The following FGFR1 variants were observed in gnomAD, a reference collection of about 807,000 sequenced individuals.
FGFR1 encodes the protein fibroblast growth factor receptor 1, also known as FGFR1/PLAG1 fusion.
In FGFR1, 18 loss-of-function variants were observed where a neutral mutation model predicts 93.7. The ratio of observed to expected loss-of-function variants is 0.19; its 90% confidence interval spans 0.13 to 0.28. FGFR1 has a LOEUF of 0.28. FGFR1 is among the 10% of genes least tolerant of loss of function. FGFR1 has a pLI of 1.00. For synonymous variants in FGFR1, 448 were observed against 429.3 expected (o/e 1.04, Z -0.54); for missense variants, 731 against 1,080.4 (o/e 0.68, Z 4.53).
chr8:38,413,561 C>T lies in FGFR1; in HGVS notation c.*67G>A. On this transcript the variant is annotated 3_prime_UTR_variant, in exon 18 of 18. Coordinates refer to ENST00000447712, the MANE Select transcript of FGFR1 (RefSeq NM_023110.3). This position sits in a 1 kb window ranked among gnomAD's most constrained non-coding sequence, Gnocchi z 4.2. ...GGGACAGGGACGGACAGGTGGTGGG[C>T]CCAGCAGGGGCTGTGGGTGAGGGTT... is the stretch of plus-strand genomic sequence containing the variant. The T allele has an allele frequency of 2.0e-6, 3 of 1,515,726 alleles. No individual in the cohort carries two copies. The highest frequency in any genetic ancestry group is 2.7e-6 in the Non-Finnish European group (3 of 1,120,844). The allele number at this position is 1,515,726 out of a possible 1,614,324, so 93.9% of individuals were successfully genotyped here. A position where few individuals can be genotyped will look rare whatever the true frequency, so the allele number is the denominator to read the frequency against.
rs4647908 is a variant in FGFR1, at chr8:38,468,050, TC to T, written c.-159del. On this transcript the variant is annotated 5_prime_UTR_variant, in exon 1 of 18. Coordinates refer to ENST00000447712, the MANE Select transcript of FGFR1 (RefSeq NM_023110.3). Reference sequence around the variant, plus strand: ...TTGTGCGAGCGGGCGTGTGCCCGCGTCCCCGGCTCCGGCCCGCCGCCCCCGG... The same window carrying T: ...TTGTGCGAGCGGGCGTGTGCCCGCGTCCCGGCTCCGGCCCGCCGCCCCCGG... The T allele has an allele frequency of 3.6e-5, 8 of 222,582 alleles. No homozygotes were observed. Among genetic ancestry groups the T allele is most frequent in the Non-Finnish European group, 6.3e-5 (7 of 111,392 alleles). The allele number at this position is 222,582 out of a possible 1,614,324, so 13.8% of individuals were successfully genotyped here.
chr8:38,444,702 T>A (rs1047660128), intron 2 of FGFR1, among the ~76,000 whole-genome samples: 3 of 151,912 alleles, frequency 2.0e-5, no homozygotes, highest in African/African-American at 7.3e-5. Flanking sequence ...AGTTTAGGGA[T>A]TTTTCTACCT....
intron 6 of FGFR1, among the ~76,000 whole-genome samples, chr8:38,425,048 G>A (rs1820234345): frequency 6.6e-6 from 1 of 152,292 alleles, no homozygotes; most frequent in South Asian, 2.1e-4. Flanking sequence ...TCAAAGTGTG[G>A]TCCACGAGCA....
rs1165305093 is a variant in FGFR1 at position 38,434,428 on chromosome 8, C to T, written c.92-4480G>A. The T allele has an allele frequency of 1.1e-5, 4 of 373,566 alleles. 1 individual carries two copies. Among genetic ancestry groups the T allele is most frequent in the African/African-American group, 8.4e-5 (4 of 47,742 alleles). 23.1% of individuals were successfully genotyped at this position (373,566 alleles called of 1,614,324 possible). ...ACTTCCACCTCAATTCCTGGCTCAA[C>T]ACTGATGGAAGTCAACTGCTTAACA... On this transcript the variant is annotated intron_variant, in intron 2 of 17. Coordinates refer to ENST00000447712, the MANE Select transcript of FGFR1 (RefSeq NM_023110.3).
Position 38,411,536 on chromosome 8 carries a change from C to T in FGFR1, c.*2092G>A. On this transcript the variant is annotated 3_prime_UTR_variant, in exon 18 of 18. Coordinates refer to ENST00000447712, the MANE Select transcript of FGFR1 (RefSeq NM_023110.3). The stretch of plus-strand genomic sequence containing the variant: ...AATTTTACAATAGTCGCCAACACTG[C>T]AGCTGCCAAAAAATCCCTAGCTCAG... 4.4e-6 allele frequency: 1 copy of T among 228,648 alleles called. No homozygotes were observed. The highest frequency in any genetic ancestry group is 8.7e-6 in the Non-Finnish European group (1 of 115,190). 14.2% of individuals were successfully genotyped at this position (228,648 alleles called of 1,614,324 possible). A position where few individuals can be genotyped will look rare whatever the true frequency, so the allele number is the denominator to read the frequency against.
At chr8:38,425,051 C>T (rs1259136151) in intron 6 of FGFR1, among the ~76,000 whole-genome samples, 1 of 152,162 alleles carries the variant, frequency 6.6e-6, no homozygotes, top group Non-Finnish European at 1.5e-5. Context: ...AAGTGTGGTC[C>T]ACGAGCAGTG....
Position 38,412,658 on chromosome 8 carries a change from A to G in FGFR1, c.*970T>C. Reference sequence around the variant, plus strand: ...CATGCGGTGCCCTCGGGACAGACCTAGCCCCAGGGCCCGTGGGTGTCCCTT... The same window carrying G: ...CATGCGGTGCCCTCGGGACAGACCTGGCCCCAGGGCCCGTGGGTGTCCCTT... On this transcript the variant is annotated 3_prime_UTR_variant, in exon 18 of 18. Coordinates refer to ENST00000447712, the MANE Select transcript of FGFR1 (RefSeq NM_023110.3). The G allele has an allele frequency of 4.3e-6, 1 of 233,766 alleles. No homozygotes were observed. The highest frequency in any genetic ancestry group is 5.6e-5 in the Admixed American group (1 of 17,808). 14.5% of individuals were successfully genotyped at this position (233,766 alleles called of 1,614,324 possible).
intron 8 of FGFR1, among the ~76,000 whole-genome samples, chr8:38,421,368 C>G (rs1419507759): frequency 6.6e-6 from 1 of 152,208 alleles, no homozygotes; most frequent in African/African-American, 2.4e-5. Context: ...TCTTTGCAAG[C>G]AGCAAGCCCC....
At position 38,429,746 on chromosome 8, in the gene FGFR1, G is replaced by C. The variant is rs2150957733; in HGVS notation, c.294C>G (p.Leu98=). 1 of 1,593,368 alleles carries C rather than the reference G, an allele frequency of 6.3e-7. No individual in the cohort carries two copies. The highest frequency in any genetic ancestry group is 8.5e-7 in the Non-Finnish European group (1 of 1,169,752). Residue 98 remains leucine (L), a synonymous_variant, in exon 3 of 18, where the codon CTC becomes CTG. Coordinates refer to ENST00000447712, the MANE Select transcript of FGFR1 (RefSeq NM_023110.3). This position sits in a 1 kb window ranked among gnomAD's most constrained non-coding sequence, Gnocchi z 4.4. The part of the protein sequence containing the change: ...VQDSVPADSG[L]YACVTSSPSG... ...AGGGGCTGCTGGTTACGCAAGCATA[G>C]AGGCCGGAGTCTGCGGGCACGGAGT...
rs780308433 is a variant in FGFR1 at position 38,413,697 on chromosome 8, C to T, written c.2400G>A (p.Pro800=). The T allele has an allele frequency of 3.1e-5, 50 of 1,613,484 alleles. No homozygotes were observed. Among genetic ancestry groups the T allele is most frequent in the Middle Eastern group, 1.6e-4 (1 of 6,064 alleles). ...GGGGCAGGCAGGGCTCCTCGGGCAG[C>T]GGCTCATGAGAGAAGACGGAATCCT... ...SGEDSVFSHE[P]LPEEPCLPRH... is the part of the protein sequence containing the mutation. Residue 800 remains proline (P), a synonymous_variant, in exon 18 of 18, where the codon CCG becomes CCA. Coordinates refer to ENST00000447712, the MANE Select transcript of FGFR1 (RefSeq NM_023110.3). This position sits in a 1 kb window ranked among gnomAD's most constrained non-coding sequence, Gnocchi z 4.2.
At chr8:38,419,185 C>A (rs1014258235) in intron 9 of FGFR1, among the ~76,000 whole-genome samples, 1 of 152,188 alleles carries the variant, frequency 6.6e-6, no homozygotes, top group Admixed American at 6.5e-5. Context: ...TGGACTAATA[C>A]AAACAGTTCT....
At chr8:38,415,719 C>A in intron 13 of FGFR1, 151 bp downstream of exon 13, 1 of 812,946 alleles carries the variant, frequency 1.2e-6, no homozygotes, top group South Asian at 1.5e-5. Flanking sequence ...CTCTGCAGTT[C>A]CCAGAGAGCC....
chr8:38,455,492 C>T (rs1832581667), intron 2 of FGFR1, among the ~76,000 whole-genome samples: 1 of 152,214 alleles, frequency 6.6e-6, no homozygotes, highest in South Asian at 2.1e-4. Flanking sequence ...GGGGTTTCAC[C>T]GTGTTAGGCA....
chr8:38,451,878 G>C (rs922249729), intron 2 of FGFR1, among the ~76,000 whole-genome samples: 7 of 151,988 alleles, frequency 4.6e-5, no homozygotes, highest in Non-Finnish European at 1.0e-4. Context: ...TATTGCAAAA[G>C]ACAGACAAAT....
intron 1 of FGFR1, chr8:38,463,073 T>C (rs1254560218): frequency 6.6e-6 from 1 of 152,498 alleles, no homozygotes; most frequent in Non-Finnish European, 1.5e-5. Flanking sequence ...CTCATCTAAT[T>C]TGTGTATTTT....
intron 1 of FGFR1, among the ~76,000 whole-genome samples, chr8:38,461,708 C>T (rs574501557): frequency 1.3e-5 from 2 of 152,010 alleles, no homozygotes; most frequent in Middle Eastern, 3.4e-3. Context: ...TTCTAAGCCT[C>T]GGTTTCCCAC....
chr8:38,412,182 T>G lies in FGFR1; in HGVS notation c.*1446A>C, dbSNP rs578094209. ...ATTCTGCCTCAGCCTCCTGTGGAGCTGGGATTACAGGCGTGTGCCACCATG... is the reference window on the plus strand; with the variant it reads ...ATTCTGCCTCAGCCTCCTGTGGAGCGGGGATTACAGGCGTGTGCCACCATG... On this transcript the variant is annotated 3_prime_UTR_variant, in exon 18 of 18. Coordinates refer to ENST00000447712, the MANE Select transcript of FGFR1 (RefSeq NM_023110.3). 7.5e-4 allele frequency: 155 copies of G among 207,936 alleles called. No individual in the cohort carries two copies. Among genetic ancestry groups the G allele is most frequent in the Non-Finnish European group, 7.7e-4 (78 of 101,928 alleles). The allele number at this position is 207,936 out of a possible 1,614,324, so 12.9% of individuals were successfully genotyped here.
Position 38,429,550 on chromosome 8 carries a change from TG to T in FGFR1, c.358+131del. 1 of 1,030,718 alleles carries T rather than the reference TG, an allele frequency of 9.7e-7. No individual in the cohort carries two copies. Among genetic ancestry groups the T allele is most frequent in the South Asian group, 1.5e-5 (1 of 66,776 alleles). 63.8% of individuals were successfully genotyped at this position (1,030,718 alleles called of 1,614,324 possible). A position where few individuals can be genotyped will look rare whatever the true frequency, so the allele number is the denominator to read the frequency against. On this transcript the variant is annotated intron_variant, in intron 3 of 17. Transcript: ENST00000447712. The surrounding 1 kb of genome is among the most constrained non-coding windows in gnomAD (Gnocchi z 4.4). ...CGCGGCAGGCAGGGAGCAATGTTAG[TG>T]GGCAGCAGTTTCTGAAGCAGAGTGG... is the stretch of plus-strand genomic sequence containing the variant.
chr8:38,446,652 G>A (rs960304766), intron 2 of FGFR1, among the ~76,000 whole-genome samples: 2 of 152,040 alleles, frequency 1.3e-5, no homozygotes, highest in African/African-American at 4.8e-5. Flanking sequence ...CACTCTATCT[G>A]CCCACCTCGG....
Sources: gnomAD v4.1 joint callset for allele counts (sites outside exome capture counted in the v4.1 genomes callset) on GRCh38, gnomAD v4.1.1 for gene constraint, Gnocchi (gnomAD v3.1) non-coding constraint, MANE v1.5 for transcripts, NCBI Gene and HGNC (gene_info 2026-07-23, HGNC 2026-07-21) for gene names.